RASA1: variants seen among roughly 807,000 people sequenced by gnomAD.
RASA1 encodes the protein RAS p21 protein activator 1.
RASA1 carries 25 observed loss-of-function variants against 132.2 expected under a neutral mutation model. The ratio of observed to expected loss-of-function variants is 0.19; its 90% confidence interval spans 0.14 to 0.26. The LOEUF is 0.26. RASA1 is among the 10% of genes least tolerant of loss of function. The pLI is 1.00. For missense variants in RASA1, 964 were observed against 1,299.2 expected (o/e 0.74, Z 3.97); for synonymous variants, 477 against 449.9 (o/e 1.06, Z -0.76).
chr5:87,323,538 A>G (rs1756985198), intron 1 of RASA1, among the ~76,000 whole-genome samples: 2 of 152,176 alleles, frequency 1.3e-5, no homozygotes, highest in African/African-American at 4.8e-5. Flanking sequence ...TTTCAGTTTG[A>G]GGAACTGAAA....
rs191206267 is a variant in RASA1 at position 87,320,567 on chromosome 5, G to A, written c.540-10781G>A. On this transcript the variant is annotated intron_variant, in intron 1 of 24. Coordinates refer to ENST00000274376, the MANE Select transcript of RASA1 (RefSeq NM_002890.3). ...GAGACAGAGAGAGTAAAGTGGGGAAGCGCCACACACTTTTAAACCATCAGA... is the reference window on the plus strand; with the variant it reads ...GAGACAGAGAGAGTAAAGTGGGGAAACGCCACACACTTTTAAACCATCAGA... Among the ~76,000 whole-genome samples, 241 of 152,244 alleles carry A rather than the reference G, an allele frequency of 1.6e-3. 1 individual carries two copies. The highest frequency in any genetic ancestry group is 6.8e-3 in the Middle Eastern group (2 of 294).
Position 87,342,162 on chromosome 5 carries a change from C to CTT in RASA1, c.1049+855_1049+856dup, listed in dbSNP as rs531793273. On this transcript the variant is annotated intron_variant, in intron 6 of 24. Transcript: ENST00000274376. ...TTCAAATTCTTTTTTGTTATTTTTT[C>CTT]TTTTTTTTTTTTTTTGAGACAGAGT... Among the ~76,000 whole-genome samples, 8 of 139,772 alleles carry CTT rather than the reference C, an allele frequency of 5.7e-5. 1 individual carries two copies. Among genetic ancestry groups the CTT allele is most frequent in the African/African-American group, 7.8e-5 (3 of 38,472 alleles). The allele number at this position is 139,772 out of a possible 152,430, so 91.7% of individuals were successfully genotyped here. A position where few individuals can be genotyped will look rare whatever the true frequency, so the allele number is the denominator to read the frequency against.
rs1561292521 is a variant in RASA1, at chr5:87,338,535, A to ATTTTT, written c.1017+444_1017+445insTTTTT. On this transcript the variant is annotated intron_variant, in intron 5 of 24. Transcript: ENST00000274376. ...TATATATATATATATATATATATAA[A>ATTTTT]ATTTTTTTTTTTTTTAAGTAGAAAT... 1.2e-3 allele frequency among the ~76,000 whole-genome samples: 114 copies of ATTTTT among 95,882 alleles called. 4 individuals carry two copies. The highest frequency in any genetic ancestry group is 4.8e-3 in the African/African-American group (100 of 20,930). 62.9% of individuals were successfully genotyped at this position (95,882 alleles called of 152,430 possible). A position where few individuals can be genotyped will look rare whatever the true frequency, so the allele number is the denominator to read the frequency against.
At chr5:87,298,825 G>A (rs370779180) in intron 1 of RASA1, among the ~76,000 whole-genome samples, 13 of 152,262 alleles carry the variant, frequency 8.5e-5, no homozygotes, top group African/African-American at 2.4e-4. Flanking sequence ...CAAAGAGAGC[G>A]AATTACTAGC....
At chr5:87,337,343 C>T (rs999621608) in intron 4 of RASA1, among the ~76,000 whole-genome samples, 2 of 151,968 alleles carry the variant, frequency 1.3e-5, no homozygotes, top group East Asian at 1.9e-4. Flanking sequence ...AACATACATT[C>T]CTTTCTCATA....
chr5:87,376,694 C>A (rs1761349656), intron 16 of RASA1, 129 bp downstream of exon 16: 1 of 1,317,054 alleles, frequency 7.6e-7, no homozygotes. Context: ...AGATTTTAAA[C>A]CTTGTTTTAT....
intron 1 of RASA1, among the ~76,000 whole-genome samples, chr5:87,286,301 T>C (rs766086971): frequency 2.0e-5 from 3 of 152,104 alleles, no homozygotes. Flanking sequence ...TCCTTTACTT[T>C]GATTCACACC....
At chr5:87,307,537 T>A (rs1220242466) in intron 1 of RASA1, among the ~76,000 whole-genome samples, 1 of 152,242 alleles carries the variant, frequency 6.6e-6, no homozygotes. Context: ...TAGCTCTTAA[T>A]TTTACAAATT....
chr5:87,356,383 A>ATT (rs11409141), intron 9 of RASA1, among the ~76,000 whole-genome samples: 7 of 141,764 alleles, frequency 4.9e-5, no homozygotes, highest in South Asian at 4.5e-4. Flanking sequence ...GATGATTGTT[A>ATT]TTTTTTTTTT....
At chr5:87,372,359 G>A (rs555575137) in intron 13 of RASA1, among the ~76,000 whole-genome samples, 164 bp downstream of exon 13, 2 of 152,208 alleles carry the variant, frequency 1.3e-5, no homozygotes, top group East Asian at 3.9e-4. Flanking sequence ...GAAAGAGAAT[G>A]TTCTTTCTTA....
chr5:87,309,312 G>C (rs1319093792), intron 1 of RASA1, among the ~76,000 whole-genome samples: 2 of 152,114 alleles, frequency 1.3e-5, no homozygotes, highest in Non-Finnish European at 2.9e-5. Flanking sequence ...CTAGAAGGTA[G>C]TAAGTGCTAT....
intron 8 of RASA1, among the ~76,000 whole-genome samples, chr5:87,352,435 C>T (rs923815837): frequency 1.3e-5 from 2 of 151,274 alleles, no homozygotes; most frequent in East Asian, 3.9e-4. Flanking sequence ...TTTAAAATTC[C>T]AAGATTTCCA....
At chr5:87,353,903 G>A (rs1166706962) in intron 9 of RASA1, among the ~76,000 whole-genome samples, 2 of 152,082 alleles carry the variant, frequency 1.3e-5, no homozygotes, top group African/African-American at 2.4e-5. Context: ...GAAGTATATG[G>A]TAGGGAAATG....
chr5:87,315,479 G>A (rs144870376), intron 1 of RASA1, among the ~76,000 whole-genome samples: 222 of 152,256 alleles, frequency 1.5e-3, no homozygotes, highest in African/African-American at 4.6e-3. Context: ...ACCAAATACT[G>A]TCAATGTATG....
chr5:87,363,630 A>G, intron 11 of RASA1, 126 bp downstream of exon 11: 1 of 1,083,070 alleles, frequency 9.2e-7, no homozygotes, highest in East Asian at 2.5e-5. Context: ...TTTCTAGGTA[A>G]TTTTTGCCTT....
intron 10 of RASA1, 59 bp downstream of exon 10, chr5:87,362,730 C>A (rs527549583): frequency 6.5e-7 from 1 of 1,544,960 alleles, no homozygotes; most frequent in Non-Finnish European, 8.9e-7. Flanking sequence ...TATGGAGCTC[C>A]GAACTTATTG....
intron 13 of RASA1, among the ~76,000 whole-genome samples, chr5:87,373,338 A>G (rs1004215199): frequency 6.6e-6 from 1 of 152,126 alleles, no homozygotes; most frequent in African/African-American, 2.4e-5. Flanking sequence ...GAGATGATTT[A>G]CGGCATACAG....
In RASA1 at chr5:87,383,930, T is replaced by C. The variant is rs995278283; in HGVS notation, c.2758+150T>C. ...AGTATTCCAAAGCACCCTTCCTTCC[T>C]TGTGCTTGTGCTTCTTGGGCTTTTT... On this transcript the variant is annotated intron_variant, in intron 21 of 24. Transcript: ENST00000274376. The C allele has an allele frequency of 7.1e-6, 5 of 701,770 alleles. No homozygotes were observed. The African/African-American group carries it at 7.3e-5, about 10-fold the overall frequency. 43.5% of individuals were successfully genotyped at this position (701,770 alleles called of 1,614,324 possible).
intron 24 of RASA1, among the ~76,000 whole-genome samples, chr5:87,390,281 TGTAGTTTCAGGAG>T (rs1762404361): frequency 6.6e-6 from 1 of 152,174 alleles, no homozygotes; most frequent in South Asian, 2.1e-4. Flanking sequence ...TAGTTTCTAA[TGTAGTTTCAGGAG>T]ATAGTGAATG....
Sources: gnomAD v4.1 joint callset for allele counts (sites outside exome capture counted in the v4.1 genomes callset) on GRCh38, gnomAD v4.1.1 for gene constraint, MANE v1.5 for transcripts, NCBI Gene and HGNC (gene_info 2026-07-23, HGNC 2026-07-21) for gene names.